The following AGBL4 variants were observed in gnomAD, a reference collection of about 807,000 sequenced individuals.
AGBL4 encodes cytosolic carboxypeptidase 6.
Under a neutral mutation model 66.4 loss-of-function variants are expected in AGBL4, and 58 were observed. That is an observed-to-expected ratio of 0.87 (90% CI 0.71 to 1.09). AGBL4 has a LOEUF of 1.09. Ranked by LOEUF, AGBL4 falls within the 50% of genes least tolerant of loss-of-function variation. The pLI is 0.00. For synonymous variants in AGBL4, 234 were observed against 222.9 expected (o/e 1.05, Z -0.44); for missense variants, 579 against 631.0 (o/e 0.92, Z 0.88).
chr1:49,254,694 C>T (rs1236603602), intron 3 of AGBL4, among the ~76,000 whole-genome samples: 1 of 151,912 alleles, frequency 6.6e-6, no homozygotes, highest in Non-Finnish European at 1.5e-5. Context: ...CCAAAAAGAC[C>T]CCAAATAGCC....
chr1:49,346,558 C>G (rs976144918), intron 3 of AGBL4, among the ~76,000 whole-genome samples: 3 of 152,196 alleles, frequency 2.0e-5, no homozygotes, highest in Non-Finnish European at 4.4e-5. Context: ...TAAGCTTATT[C>G]AGTGTTTTCT....
At chr1:48,887,562 G>A (rs530952837) in intron 5 of AGBL4, among the ~76,000 whole-genome samples, 2 of 152,094 alleles carry the variant, frequency 1.3e-5, no homozygotes, top group Non-Finnish European at 2.9e-5. Flanking sequence ...TTTTATAGGG[G>A]GGAATTGAGG....
At chr1:48,738,615 C>T (rs1417104962) in intron 6 of AGBL4, among the ~76,000 whole-genome samples, 5 of 152,194 alleles carry the variant, frequency 3.3e-5, no homozygotes, top group East Asian at 1.9e-4. Flanking sequence ...AAACAAGGAA[C>T]TTTGAATTAC....
chr1:49,369,380 A>T (rs1235861847), intron 3 of AGBL4, among the ~76,000 whole-genome samples: 2 of 152,256 alleles, frequency 1.3e-5, no homozygotes, highest in African/African-American at 4.8e-5. Flanking sequence ...AACAGGGAAT[A>T]GATTTAACTT....
intron 9 of AGBL4, among the ~76,000 whole-genome samples, chr1:48,611,092 G>T (rs1166068554): frequency 6.6e-6 from 1 of 152,218 alleles, no homozygotes; most frequent in African/African-American, 2.4e-5. Context: ...CACAGCTAAA[G>T]CCATTTCTAA....
intron 2 of AGBL4, among the ~76,000 whole-genome samples, chr1:49,720,324 T>C (rs1035986552): frequency 1.3e-5 from 2 of 152,134 alleles, no homozygotes; most frequent in African/African-American, 4.8e-5. Context: ...ATAATGCAAA[T>C]GTTTCAAAAT....
chr1:49,845,484 G>A (rs1255505526), intron 2 of AGBL4: 2 of 1,573,496 alleles, frequency 1.3e-6, no homozygotes, highest in Admixed American at 1.7e-5. Flanking sequence ...TCCACACTGG[G>A]GAGAAACCCT....
intron 3 of AGBL4, among the ~76,000 whole-genome samples, chr1:49,364,544 C>G (rs1644205674): frequency 6.6e-6 from 1 of 151,146 alleles, no homozygotes. Flanking sequence ...GTGGCAAGAT[C>G]TCAGCTTGCT....
intron 6 of AGBL4, among the ~76,000 whole-genome samples, chr1:48,683,372 A>T (rs2148482532): frequency 6.6e-6 from 1 of 152,314 alleles, no homozygotes; most frequent in East Asian, 1.9e-4. Context: ...CCTAACATAG[A>T]AGACCTTGGC....
Position 49,301,737 on chromosome 1 carries a change from A to G in AGBL4, c.283-55873T>C, listed in dbSNP as rs1178371499. 3.3e-5 allele frequency among the ~76,000 whole-genome samples: 5 copies of G among 152,138 alleles called. No individual in the cohort carries two copies. In the East Asian group the frequency reaches 7.7e-4, roughly 23 times the overall value. On this transcript the variant is annotated intron_variant, in intron 3 of 13. Coordinates refer to ENST00000371839, the MANE Select transcript of AGBL4 (RefSeq NM_032785.4). The stretch of plus-strand genomic sequence containing the variant: ...ATGAAACCTAAGACTGTTGTTTGAG[A>G]TATTTTTTAGACCTTCCATTCTGGC...
At chr1:48,632,728 T>A (rs1645611976) in intron 9 of AGBL4, among the ~76,000 whole-genome samples, 1 of 152,268 alleles carries the variant, frequency 6.6e-6, no homozygotes, top group Non-Finnish European at 1.5e-5. Flanking sequence ...AGTTATTGAA[T>A]ATCTATTATC....
At chr1:48,676,008 C>T (rs539620196) in intron 6 of AGBL4, among the ~76,000 whole-genome samples, 5 of 152,148 alleles carry the variant, frequency 3.3e-5, no homozygotes, top group African/African-American at 9.7e-5. Context: ...ATGTGCTCCT[C>T]GAAAAAACTC....
At chr1:48,754,247 G>A (rs998984880) in intron 6 of AGBL4, among the ~76,000 whole-genome samples, 1 of 152,096 alleles carries the variant, frequency 6.6e-6, no homozygotes, top group Non-Finnish European at 1.5e-5. Flanking sequence ...ACACATGGGG[G>A]CTTACCCTCC....
At chr1:49,727,111 C>A (rs1008385820) in intron 2 of AGBL4, among the ~76,000 whole-genome samples, 4 of 152,122 alleles carry the variant, frequency 2.6e-5, no homozygotes, top group African/African-American at 7.2e-5. Context: ...GTATCAACCA[C>A]TGTGAGAGTA....
chr1:49,811,468 T>C (rs1224834747), intron 2 of AGBL4, among the ~76,000 whole-genome samples: 1 of 152,152 alleles, frequency 6.6e-6, no homozygotes, highest in African/African-American at 2.4e-5. Context: ...ACTTAGACTT[T>C]ATAAGTATCT....
At chr1:49,814,104 T>C (rs759827863) in intron 2 of AGBL4, among the ~76,000 whole-genome samples, 31 of 152,254 alleles carry the variant, frequency 2.0e-4, no homozygotes, top group Non-Finnish European at 4.4e-4. Flanking sequence ...CATGAGTCCA[T>C]TATAAATTAC....
At chr1:48,627,218 G>A (rs1645517648) in intron 9 of AGBL4, among the ~76,000 whole-genome samples, 1 of 152,168 alleles carries the variant, frequency 6.6e-6, no homozygotes, top group South Asian at 2.1e-4. Flanking sequence ...CCTAAGAACA[G>A]ACCTCGGTTT....
chr1:48,918,045 C>G (rs1259226381), intron 5 of AGBL4, among the ~76,000 whole-genome samples: 1 of 152,202 alleles, frequency 6.6e-6, no homozygotes, highest in South Asian at 2.1e-4. Context: ...CTCAGGGAAA[C>G]AGCTGGCCTT....
intron 3 of AGBL4, among the ~76,000 whole-genome samples, chr1:49,395,819 A>G (rs1184759117): frequency 3.4e-5 from 3 of 88,734 alleles, no homozygotes; most frequent in Non-Finnish European, 6.5e-5. Flanking sequence ...ATGTATACAT[A>G]TATATATATG....
Sources: gnomAD v4.1 joint callset for allele counts (sites outside exome capture counted in the v4.1 genomes callset) on GRCh38, gnomAD v4.1.1 for gene constraint, MANE v1.5 for transcripts, NCBI Gene and HGNC (gene_info 2026-07-23, HGNC 2026-07-21) for gene names.